Variants in ZBTB38 observed in about 807,000 individuals in gnomAD.
ZBTB38 encodes the protein zinc finger and BTB domain-containing protein 38.
A neutral mutation model predicts 76.8 loss-of-function variants in ZBTB38; 20 were observed. That is an observed-to-expected ratio of 0.26 (90% CI 0.18 to 0.38). The LOEUF (loss-of-function observed/expected upper bound fraction) is 0.38, where lower values mean the gene tolerates loss of function less well. Among genes scored for constraint, ZBTB38 ranks in the 10% least tolerant of loss-of-function variants. The pLI, the probability that ZBTB38 is intolerant of heterozygous loss-of-function variation, is 1.00. For synonymous variants in ZBTB38, 504 were observed against 544.2 expected (o/e 0.93, Z 1.03); for missense variants, 1,082 against 1,482.3 (o/e 0.73, Z 4.43).
chr3:141,386,016 A>G (rs1163536988), intron 3 of ZBTB38: 2 of 152,234 alleles, frequency 1.3e-5, no homozygotes, highest in African/African-American at 4.8e-5. Flanking sequence ...AAGTAAAACA[A>G]AGAAACATTG....
intron 1 of ZBTB38, among the ~76,000 whole-genome samples, chr3:141,336,475 A>G (rs1449980761): frequency 6.6e-6 from 1 of 152,190 alleles, no homozygotes; most frequent in Non-Finnish European, 1.5e-5. Flanking sequence ...CATGTATGTA[A>G]TAGATTTTTT....
At chr3:141,329,798 A>C (rs1347946156) in intron 1 of ZBTB38, among the ~76,000 whole-genome samples, 3 of 151,516 alleles carry the variant, frequency 2.0e-5, no homozygotes, top group African/African-American at 7.3e-5. Context: ...ATTTTTTTTT[A>C]ATTAGAAAAT....
intron 3 of ZBTB38, among the ~76,000 whole-genome samples, 187 bp downstream of exon 3, chr3:141,381,674 G>A (rs1946215931): frequency 6.6e-6 from 1 of 152,180 alleles, no homozygotes. Flanking sequence ...AGGTAGGGTG[G>A]AGCTGGTGGA....
intron 1 of ZBTB38, among the ~76,000 whole-genome samples, chr3:141,336,325 T>C (rs979430357): frequency 2.6e-5 from 4 of 151,660 alleles, no homozygotes; most frequent in African/African-American, 9.7e-5. Flanking sequence ...AAACCCAGGC[T>C]TCCCACCAAG....
chr3:141,393,161 G>A (rs1189199675), intron 4 of ZBTB38, among the ~76,000 whole-genome samples: 5 of 152,160 alleles, frequency 3.3e-5, no homozygotes, highest in Admixed American at 3.3e-4. Context: ...AGCAGTGGAG[G>A]CTTTCATTAT....
At chr3:141,393,156 T>G (rs1258652749) in intron 4 of ZBTB38, among the ~76,000 whole-genome samples, 1 of 152,236 alleles carries the variant, frequency 6.6e-6, no homozygotes, top group Non-Finnish European at 1.5e-5. Flanking sequence ...TGAAAAGCAG[T>G]GGAGGCTTTC....
At chr3:141,401,379 T>C (rs1951888107) in intron 4 of ZBTB38, among the ~76,000 whole-genome samples, 1 of 103,386 alleles carries the variant, frequency 9.7e-6, no homozygotes, top group South Asian at 2.3e-4. Flanking sequence ...TCAAAACTCT[T>C]CCTTTTATTT....
At chr3:141,386,529 TA>T (rs1454395507) in intron 3 of ZBTB38, 1 of 152,240 alleles carries the variant, frequency 6.6e-6, no homozygotes. Context: ...TTATCAAAAT[TA>T]TTTTTTACTT....
chr3:141,402,725 A>T (rs1165979384), intron 4 of ZBTB38: 1 of 151,964 alleles, frequency 6.6e-6, no homozygotes, highest in African/African-American at 2.4e-5. Context: ...GAGTGCGGGC[A>T]GGTTGCGCCG....
intron 1 of ZBTB38, among the ~76,000 whole-genome samples, chr3:141,327,696 A>G (rs112279607): frequency 1.6e-3 from 247 of 152,332 alleles, no homozygotes; most frequent in African/African-American, 4.5e-3. Flanking sequence ...ATGATACTAT[A>G]TCTGTATTGG....
chr3:141,422,282 G>A (rs1399047371), intron 5 of ZBTB38, among the ~76,000 whole-genome samples: 1 of 152,114 alleles, frequency 6.6e-6, no homozygotes, highest in African/African-American at 2.4e-5. Flanking sequence ...TTTCTCTCTG[G>A]CCTTTCTCCT....
At position 141,431,323 on chromosome 3, in the gene ZBTB38, C is replaced by CAAAA. The variant is rs71976494; in HGVS notation, c.1-11050_1-11047dup. Among the ~76,000 whole-genome samples the CAAAA allele has an allele frequency of 1.3e-4, 13 of 101,398 alleles. 1 individual carries two copies. Among genetic ancestry groups the CAAAA allele is most frequent in the African/African-American group, 5.3e-4 (11 of 20,642 alleles). The allele number at this position is 101,398 out of a possible 152,430, so 66.5% of individuals were successfully genotyped here. A position where few individuals can be genotyped will look rare whatever the true frequency, so the allele number is the denominator to read the frequency against. On this transcript the variant is annotated intron_variant, in intron 5 of 5. Coordinates refer to ENST00000321464, the MANE Select transcript of ZBTB38 (RefSeq NM_001376113.1). Reference sequence around the variant, plus strand: ...GGGGGACAAGAGCGAGACTTCGTCTCAAAAAAAAAAAAAAAAAAATATATA... The same window carrying CAAAA: ...GGGGGACAAGAGCGAGACTTCGTCTCAAAAAAAAAAAAAAAAAAAAAAATATATA...
intron 5 of ZBTB38, among the ~76,000 whole-genome samples, chr3:141,410,898 C>A (rs1483584562): frequency 2.0e-5 from 3 of 152,128 alleles, no homozygotes; most frequent in Admixed American, 6.5e-5. Flanking sequence ...GTGTTCATAC[C>A]AGGATGCATT....
At chr3:141,419,347 T>C (rs980752560) in intron 5 of ZBTB38, among the ~76,000 whole-genome samples, 1 of 152,132 alleles carries the variant, frequency 6.6e-6, no homozygotes, top group African/African-American at 2.4e-5. Context: ...TCAAACCATA[T>C]CACATATGTA....
intron 5 of ZBTB38, among the ~76,000 whole-genome samples, chr3:141,405,998 G>GA (rs1315271842): frequency 6.6e-6 from 1 of 152,232 alleles, no homozygotes. Flanking sequence ...AAGAGATGGA[G>GA]AGGAGGCATT....
chr3:141,443,502 G>A lies in ZBTB38; in HGVS notation c.1114G>A (p.Val372Met), dbSNP rs750296057. 1 of 1,614,208 alleles carries A rather than the reference G, an allele frequency of 6.2e-7. No homozygotes were observed. The highest frequency in any genetic ancestry group is 8.5e-7 in the Non-Finnish European group (1 of 1,180,040). ...QLHKPTQEPLVCKYCNKQFTT... is the reference protein window; with the variant it reads ...QLHKPTQEPLMCKYCNKQFTT... Reference sequence around the variant, plus strand: ...TCACAAGCCAACCCAGGAGCCTTTAGTGTGCAAGTATTGCAACAAACAATT... The same window carrying A: ...TCACAAGCCAACCCAGGAGCCTTTAATGTGCAAGTATTGCAACAAACAATT... The change falls in exon 6 of 6, where the codon GTG (valine) becomes ATG (methionine). Residue 372 changes from valine (V) to methionine (M), a missense_variant. Physicochemically the swap from Val to Met is conservative, Grantham distance 21. Coordinates refer to ENST00000321464, the MANE Select transcript of ZBTB38 (RefSeq NM_001376113.1). The surrounding 1 kb of genome is among the most constrained non-coding windows in gnomAD (Gnocchi z 5.6).
intron 1 of ZBTB38, among the ~76,000 whole-genome samples, chr3:141,328,543 T>C (rs1029837214): frequency 7.9e-5 from 12 of 152,204 alleles, no homozygotes; most frequent in African/African-American, 2.9e-4. Flanking sequence ...ACCTCCTAAA[T>C]GTTTCCTGGG....
intron 1 of ZBTB38, among the ~76,000 whole-genome samples, chr3:141,333,011 G>A (rs1353244914): frequency 6.6e-6 from 1 of 152,136 alleles, no homozygotes; most frequent in Non-Finnish European, 1.5e-5. Flanking sequence ...CAATGAACTT[G>A]CCAAGACCAT....
chr3:141,382,170 G>A (rs1384189052), intron 3 of ZBTB38, among the ~76,000 whole-genome samples: 2 of 152,114 alleles, frequency 1.3e-5, no homozygotes, highest in Non-Finnish European at 1.5e-5. Context: ...CGGGAGAATC[G>A]ACTGAGAGTT....
Sources: gnomAD v4.1 joint callset for allele counts (sites outside exome capture counted in the v4.1 genomes callset) on GRCh38, gnomAD v4.1.1 for gene constraint, Gnocchi (gnomAD v3.1) non-coding constraint, MANE v1.5 for transcripts, NCBI Gene and HGNC (gene_info 2026-07-23, HGNC 2026-07-21) for gene names.